Variants in COL19A1 observed in about 807,000 individuals in gnomAD.
The protein encoded by COL19A1 is collagen alpha-1(XIX) chain.
A neutral mutation model predicts 190.2 loss-of-function variants in COL19A1; 159 were observed. That is an observed-to-expected ratio of 0.84 (90% CI 0.73 to 0.95). The LOEUF (loss-of-function observed/expected upper bound fraction) is 0.95, where lower values mean the gene tolerates loss of function less well. Among genes scored for constraint, COL19A1 ranks in the 40% least tolerant of loss-of-function variants. COL19A1 has a pLI of 0.00. For synonymous variants in COL19A1, 509 were observed against 458.9 expected, an observed-to-expected ratio of 1.11 and a Z score of -1.39; for missense variants, 1,418 against 1,431.9, an observed-to-expected ratio of 0.99 and a Z score of 0.16.
At chr6:69,957,786 A>G (rs947116499) in intron 9 of COL19A1, among the ~76,000 whole-genome samples, 3 of 152,186 alleles carry the variant, frequency 2.0e-5, no homozygotes, top group Non-Finnish European at 4.4e-5. Context: ...TATGAATAGA[A>G]TTAAATTTGC....
At chr6:70,031,438 C>T (rs1285617930) in intron 12 of COL19A1, among the ~76,000 whole-genome samples, 3 of 152,016 alleles carry the variant, frequency 2.0e-5, no homozygotes, top group Admixed American at 2.0e-4. Context: ...TTTTTATCCA[C>T]TTCTTTTCAT....
intron 11 of COL19A1, among the ~76,000 whole-genome samples, chr6:69,969,625 C>T (rs182443822): frequency 3.3e-5 from 5 of 152,110 alleles, no homozygotes; most frequent in Admixed American, 2.6e-4. Flanking sequence ...ATAGCATTTA[C>T]ATTGTGTTAG....
At chr6:69,969,441 T>C (rs1260103682) in intron 11 of COL19A1, among the ~76,000 whole-genome samples, 1 of 152,196 alleles carries the variant, frequency 6.6e-6, no homozygotes, top group Non-Finnish European at 1.5e-5. Context: ...TTATCTACGT[T>C]CATTCATACA....
intron 1 of COL19A1, among the ~76,000 whole-genome samples, chr6:69,869,888 A>G (rs1357549982): frequency 6.6e-6 from 1 of 152,222 alleles, no homozygotes; most frequent in Non-Finnish European, 1.5e-5. Flanking sequence ...AAGTAATAAC[A>G]AAACTGAGGA....
chr6:70,056,764 A>G (rs1780525862), intron 14 of COL19A1, among the ~76,000 whole-genome samples: 1 of 152,138 alleles, frequency 6.6e-6, no homozygotes, highest in East Asian at 1.9e-4. Flanking sequence ...ACTTCAATCT[A>G]TATTTTTAAA....
chr6:70,162,277 T>G (rs1787856523), intron 35 of COL19A1, among the ~76,000 whole-genome samples: 1 of 151,400 alleles, frequency 6.6e-6, no homozygotes, highest in South Asian at 2.1e-4. Context: ...TTAGAAGAGA[T>G]AGTCAAATGG....
At chr6:70,063,923 C>T (rs968539083) in intron 14 of COL19A1, among the ~76,000 whole-genome samples, 1 of 152,076 alleles carries the variant, frequency 6.6e-6, no homozygotes, top group African/African-American at 2.4e-5. Context: ...CAAGACTAAA[C>T]CAGGAAGAAG....
chr6:69,949,903 C>A (rs899604496), intron 9 of COL19A1, among the ~76,000 whole-genome samples: 1 of 151,738 alleles, frequency 6.6e-6, no homozygotes. Flanking sequence ...ATGTACAATA[C>A]CATAGAATAT....
At chr6:70,149,623 A>G (rs981295904) in intron 27 of COL19A1, 81 bp from the exon 28 acceptor site, 6 of 1,557,826 alleles carry the variant, frequency 3.9e-6, no homozygotes, top group African/African-American at 1.4e-5. Flanking sequence ...GTAAACTACA[A>G]TGCTTAGTCT....
chr6:70,057,270 A>G (rs1780558987), intron 14 of COL19A1, among the ~76,000 whole-genome samples: 1 of 152,132 alleles, frequency 6.6e-6, no homozygotes, highest in Non-Finnish European at 1.5e-5. Context: ...ATTAAGACAG[A>G]TGATACAAAT....
intron 17 of COL19A1, 134 bp downstream of exon 17, chr6:70,122,076 C>T: frequency 1.9e-6 from 1 of 538,886 alleles, no homozygotes; most frequent in Non-Finnish European, 3.2e-6. Flanking sequence ...TCTTTCCATA[C>T]TGAAAGCTAT....
At chr6:70,074,228 G>T (rs1452405280) in intron 15 of COL19A1, among the ~76,000 whole-genome samples, 1 of 152,080 alleles carries the variant, frequency 6.6e-6, no homozygotes, top group Non-Finnish European at 1.5e-5. Flanking sequence ...ATTGGGCGCG[G>T]TGGCTCATGT....
chr6:69,927,106 A>G (rs1772449307), intron 4 of COL19A1, among the ~76,000 whole-genome samples: 1 of 152,198 alleles, frequency 6.6e-6, no homozygotes, highest in Non-Finnish European at 1.5e-5. Context: ...AAGAAATAGG[A>G]AGGAAATTCC....
At chr6:70,047,862 C>G (rs1779992877) in intron 14 of COL19A1, among the ~76,000 whole-genome samples, 1 of 152,036 alleles carries the variant, frequency 6.6e-6, no homozygotes, top group Non-Finnish European at 1.5e-5. Flanking sequence ...CTTTTCTCTT[C>G]CAGTCTTTGC....
intron 16 of COL19A1, among the ~76,000 whole-genome samples, chr6:70,118,705 TATGAA>T: frequency 6.6e-6 from 1 of 152,224 alleles, no homozygotes; most frequent in Non-Finnish European, 1.5e-5. Flanking sequence ...AAGCAGAACA[TATGAA>T]AATGTAGAAG....
At chr6:70,055,835 A>G (rs16868489) in intron 14 of COL19A1, among the ~76,000 whole-genome samples, 8,214 of 149,118 alleles carry the variant, frequency 0.055, 764 homozygotes, top group African/African-American at 0.19. Flanking sequence ...AAATATTGTC[A>G]TGTGCAGAGC....
intron 14 of COL19A1, among the ~76,000 whole-genome samples, chr6:70,042,680 T>C (rs895170526): frequency 1.3e-5 from 2 of 152,218 alleles, no homozygotes; most frequent in Non-Finnish European, 2.9e-5. Flanking sequence ...TGATGCTGTT[T>C]AGTAGCATTT....
At chr6:69,948,217 G>A (rs2150032139) in intron 9 of COL19A1, among the ~76,000 whole-genome samples, 1 of 151,902 alleles carries the variant, frequency 6.6e-6, no homozygotes, top group East Asian at 1.9e-4. Context: ...TAAAACATTT[G>A]CAGAATCACC....
intron 11 of COL19A1, among the ~76,000 whole-genome samples, chr6:69,971,529 A>G (rs1430027673): frequency 6.6e-6 from 1 of 152,198 alleles, no homozygotes; most frequent in African/African-American, 2.4e-5. Context: ...TTATTCCAAA[A>G]TCCAAAGCCA....
Sources: gnomAD v4.1 joint callset for allele counts (sites outside exome capture counted in the v4.1 genomes callset) on GRCh38, gnomAD v4.1.1 for gene constraint, MANE v1.5 for transcripts, NCBI Gene and HGNC (gene_info 2026-07-23, HGNC 2026-07-21) for gene names.